FGD6: variants seen among roughly 807,000 people sequenced by gnomAD.
The protein encoded by FGD6 is FYVE, RhoGEF and PH domain-containing protein 6.
FGD6 carries 90 observed loss-of-function variants against 149.4 expected under a neutral mutation model. That is an observed-to-expected ratio of 0.60 (90% confidence interval 0.51 to 0.72). The LOEUF (loss-of-function observed/expected upper bound fraction) is 0.72. Among genes scored for constraint, FGD6 ranks in the 30% least tolerant of loss-of-function variants. The pLI is 0.00. For synonymous variants in FGD6, 527 were observed against 584.0 expected, an observed-to-expected ratio of 0.90 and a Z score of 1.41; for missense variants, 1,437 against 1,684.8, an observed-to-expected ratio of 0.85 and a Z score of 2.57.
At chr12:95,110,263 A>G (rs981624860) in intron 9 of FGD6, among the ~76,000 whole-genome samples, 2 of 151,906 alleles carry the variant, frequency 1.3e-5, no homozygotes, top group African/African-American at 4.8e-5. Flanking sequence ...GGTGTGAGCC[A>G]CCACACCCGG....
In FGD6 at chr12:95,211,086, C is replaced by T; in HGVS notation, c.198G>A (p.Glu66=). The T allele has an allele frequency of 6.2e-7, 1 of 1,614,204 alleles. No individual in the cohort carries two copies. The highest frequency in any genetic ancestry group is 1.1e-5 in the South Asian group (1 of 91,056). ...PKVLKTSPVR[E]IGQSPSRKIM... ...TTTTCCTTGATGGCGACTGCCCAAT[C>T]TCTCGAACAGGTGAGGTCTTCAGGA... The change falls in exon 2 of 21, where the codon GAG becomes GAA. Residue 66 remains glutamate, a synonymous_variant. Coordinates refer to ENST00000343958, the MANE Select transcript of FGD6 (RefSeq NM_018351.4).
At chr12:95,145,048 G>C (rs1275039142) in intron 5 of FGD6, among the ~76,000 whole-genome samples, 2 of 141,296 alleles carry the variant, frequency 1.4e-5, no homozygotes, top group South Asian at 4.6e-4. Flanking sequence ...GAGTGTAGTG[G>C]TGCGATCTCA....
chr12:95,125,831 C>A, intron 8 of FGD6: 2 of 998,846 alleles, frequency 2.0e-6, no homozygotes, highest in Non-Finnish European at 3.2e-6. Context: ...CTGGAAAATT[C>A]ATTGTGATCA....
At chr12:95,116,894 C>T (rs1235216045) in intron 8 of FGD6, 1 of 455,876 alleles carries the variant, frequency 2.2e-6, no homozygotes, top group African/African-American at 2.0e-5. Flanking sequence ...CACCTGGGGC[C>T]TTAACTGCAG....
intron 9 of FGD6, among the ~76,000 whole-genome samples, chr12:95,110,675 G>A (rs1878791459): frequency 6.6e-6 from 1 of 152,052 alleles, no homozygotes; most frequent in Non-Finnish European, 1.5e-5. Flanking sequence ...AATTTACGGT[G>A]CCTGGTACCC....
At chr12:95,176,800 G>T (rs1161674674) in intron 2 of FGD6, among the ~76,000 whole-genome samples, 1 of 151,966 alleles carries the variant, frequency 6.6e-6, no homozygotes, top group African/African-American at 2.4e-5. Context: ...TTCTCTTTTA[G>T]AAGGAATTAT....
Position 95,080,299 on chromosome 12 carries a change from G to A in FGD6, c.*1221C>T, listed in dbSNP as rs1592820677. ...ACTTAGTTAATAAATTGTGTATTGT[G>A]AACATCAGGGATGGCTTTTATCACA... On this transcript the variant is annotated 3_prime_UTR_variant, in exon 21 of 21. Coordinates refer to ENST00000343958, the MANE Select transcript of FGD6 (RefSeq NM_018351.4). 6.6e-6 allele frequency: 1 copy of A among 152,148 alleles called. No homozygotes were observed. Among genetic ancestry groups the A allele is most frequent in the South Asian group, 2.1e-4 (1 of 4,828 alleles). The allele number at this position is 152,148 out of a possible 1,614,324, so 9.4% of individuals were successfully genotyped here.
At chr12:95,194,314 C>CTCAG (rs964135480) in intron 2 of FGD6, among the ~76,000 whole-genome samples, 1 of 152,164 alleles carries the variant, frequency 6.6e-6, no homozygotes, top group African/African-American at 2.4e-5. Flanking sequence ...CAGCTCACCA[C>CTCAG]AACCTCCACC....
intron 2 of FGD6, among the ~76,000 whole-genome samples, chr12:95,198,431 G>A (rs1189472957): frequency 3.9e-5 from 6 of 152,010 alleles, no homozygotes; most frequent in South Asian, 4.1e-4. Flanking sequence ...AAATCCAAGC[G>A]ATTACTATTT....
At chr12:95,186,222 C>CT (rs1565918752) in intron 2 of FGD6, among the ~76,000 whole-genome samples, 2 of 10,296 alleles carry the variant, frequency 1.9e-4, no homozygotes, top group South Asian at 4.1e-3. Context: ...TTCTTATATT[C>CT]TTCTTCTTTT....
rs372013977 is a variant in FGD6, at chr12:95,081,554, C to T, written c.4259G>A (p.Trp1420Ter). The change falls in exon 21 of 21, where the codon TGG becomes TAG. Residue 1420 changes from tryptophan (W) to a stop codon, truncating the protein, a stop_gained and splice_region_variant. Coordinates refer to ENST00000343958, the MANE Select transcript of FGD6 (RefSeq NM_018351.4). LOFTEE classifies it high-confidence loss of function. The part of the protein sequence containing the change: ...KAEDAHSAQK[W>*]IEAFQEGTIL ...TGTGCCTTCCTGAAATGCTTCTATC[C>T]ACCTATTGATAAGAGAAATCGGTTA... 1 of 1,603,856 alleles carries T rather than the reference C, an allele frequency of 6.2e-7. No individual in the cohort carries two copies. Among genetic ancestry groups the T allele is most frequent in the African/African-American group, 1.3e-5 (1 of 74,732 alleles).
chr12:95,106,710 C>T (rs1193689182), intron 13 of FGD6, among the ~76,000 whole-genome samples: 3 of 151,906 alleles, frequency 2.0e-5, no homozygotes, highest in Non-Finnish European at 4.4e-5. Context: ...AGCCTGCCAA[C>T]ATGGTGAAAC....
intron 14 of FGD6, among the ~76,000 whole-genome samples, chr12:95,096,278 A>G (rs1253275539): frequency 6.6e-6 from 1 of 152,204 alleles, no homozygotes; most frequent in African/African-American, 2.4e-5. Flanking sequence ...GGTCAGATCA[A>G]GAATAGAAAC....
chr12:95,187,033 T>C (rs1881454923), intron 2 of FGD6, among the ~76,000 whole-genome samples: 1 of 152,150 alleles, frequency 6.6e-6, no homozygotes, highest in Non-Finnish European at 1.5e-5. Context: ...TCTAGAACTG[T>C]ATAAAAAGTG....
At chr12:95,100,055 T>TCCCCCCCCC (rs33962935) in intron 14 of FGD6, among the ~76,000 whole-genome samples, 9 of 129,188 alleles carry the variant, frequency 7.0e-5, no homozygotes, top group Non-Finnish European at 1.3e-4. Context: ...ACTTTTCTGA[T>TCCCCCCCCC]CCCCCCCCCC....
At chr12:95,081,603 A>G (rs1007778110) in intron 20 of FGD6, 47 bp from the exon 21 acceptor site, 1 of 1,380,234 alleles carries the variant, frequency 7.2e-7, no homozygotes, top group Non-Finnish European at 1.0e-6. Context: ...TAATCATCTG[A>G]CGTGTGAACA....
intron 9 of FGD6, among the ~76,000 whole-genome samples, chr12:95,111,244 T>C (rs569193131): frequency 6.6e-6 from 1 of 152,030 alleles, no homozygotes; most frequent in African/African-American, 2.4e-5. Flanking sequence ...GCCTCCCAAA[T>C]TGCTGGGATT....
intron 8 of FGD6, among the ~76,000 whole-genome samples, chr12:95,127,242 TAA>T (rs1879372433): frequency 6.7e-6 from 1 of 149,742 alleles, no homozygotes; most frequent in Non-Finnish European, 1.5e-5. Flanking sequence ...TAAGGGTTTT[TAA>T]AAAAGAGTCA....
intron 18 of FGD6, among the ~76,000 whole-genome samples, chr12:95,086,536 CTTTTTT>C (rs1010739533): frequency 3.8e-5 from 4 of 105,756 alleles, no homozygotes; most frequent in African/African-American, 1.4e-4. Flanking sequence ...TTTTTTTTTT[CTTTTTT>C]TTTTTTTTTT....
Sources: gnomAD v4.1 joint callset for allele counts (sites outside exome capture counted in the v4.1 genomes callset) on GRCh38, gnomAD v4.1.1 for gene constraint, MANE v1.5 for transcripts, NCBI Gene and HGNC (gene_info 2026-07-23, HGNC 2026-07-21) for gene names.